The following GRIK2 variants were observed in gnomAD, a reference collection of about 807,000 sequenced individuals.
The protein encoded by GRIK2 is glutamate ionotropic receptor kainate type subunit 2.
A neutral mutation model predicts 100.3 loss-of-function variants in GRIK2; 32 were observed. The ratio of observed to expected loss-of-function variants is 0.32; its 90% CI spans 0.24 to 0.43. GRIK2 has a LOEUF of 0.43. GRIK2 is among the 20% of genes least tolerant of loss of function. The probability of loss-of-function intolerance (pLI) is 1.00; values close to 1 mark genes in which losing one functional copy is unlikely to be tolerated. For missense variants in GRIK2, 843 were observed against 1,114.9 expected, an observed-to-expected ratio of 0.76 and a Z score of 3.47; for synonymous variants, 417 against 389.4, an observed-to-expected ratio of 1.07 and a Z score of -0.83.
intron 16 of GRIK2, among the ~76,000 whole-genome samples, chr6:102,067,960 A>AT (rs1401590718): frequency 6.6e-6 from 1 of 151,814 alleles, no homozygotes; most frequent in East Asian, 1.9e-4. Flanking sequence ...TGATTTGTCT[A>AT]TTTTTTTGTA....
chr6:101,742,667 G>A (rs1202527631), intron 7 of GRIK2, among the ~76,000 whole-genome samples: 2 of 152,178 alleles, frequency 1.3e-5, no homozygotes, highest in African/African-American at 4.8e-5. Context: ...TTGACAATTG[G>A]CTGAGTTTGT....
At position 101,525,776 on chromosome 6, in the gene GRIK2, G is replaced by A. The variant is rs144887502; in HGVS notation, c.116-96173G>A. On this transcript the variant is annotated intron_variant, in intron 2 of 16. Transcript: ENST00000369134. ...GAGTGAACAACTTTATGAAAATAAT[G>A]TGCATGTGTAATTACATGCTGTCAA... Among the ~76,000 whole-genome samples, 754 of 152,278 alleles carry A rather than the reference G, an allele frequency of 5.0e-3. 4 individuals are homozygous for A. The highest frequency in any genetic ancestry group is 0.017 in the Middle Eastern group (5 of 294).
At chr6:101,927,967 A>G (rs1790013421) in intron 13 of GRIK2, 1 of 161,782 alleles carries the variant, frequency 6.2e-6, no homozygotes, top group Non-Finnish European at 1.4e-5. Context: ...TTTGAGCTAC[A>G]TGCACATGAA....
chr6:102,051,357 C>A (rs1267198191), intron 15 of GRIK2, among the ~76,000 whole-genome samples: 1 of 141,032 alleles, frequency 7.1e-6, no homozygotes, highest in South Asian at 2.2e-4. Context: ...TAAAAGGGAT[C>A]TTTTGGCAAC....
intron 14 of GRIK2, among the ~76,000 whole-genome samples, chr6:102,033,693 T>C (rs1770118169): frequency 6.6e-6 from 1 of 151,312 alleles, no homozygotes; most frequent in African/African-American, 2.4e-5. Flanking sequence ...TGGGTGACTT[T>C]TCTATCTAAA....
chr6:101,549,784 A>G (rs1332869373), intron 2 of GRIK2, among the ~76,000 whole-genome samples: 1 of 152,202 alleles, frequency 6.6e-6, no homozygotes, highest in African/African-American at 2.4e-5. Context: ...GTGGAATGTC[A>G]GTGTCTTGAG....
At chr6:101,395,749 A>G (rs1227194315) in intron 1 of GRIK2, among the ~76,000 whole-genome samples, 2 of 152,206 alleles carry the variant, frequency 1.3e-5, no homozygotes, top group East Asian at 1.9e-4. Context: ...TCAATTTATC[A>G]TAGGTTTGAT....
intron 7 of GRIK2, among the ~76,000 whole-genome samples, chr6:101,710,381 A>G (rs1773611359): frequency 6.6e-6 from 1 of 151,840 alleles, no homozygotes; most frequent in East Asian, 1.9e-4. Context: ...TGGGCTTTGA[A>G]GTATACCTCA....
chr6:102,020,081 TAG>T (rs2114359104), intron 14 of GRIK2, among the ~76,000 whole-genome samples: 1 of 152,082 alleles, frequency 6.6e-6, no homozygotes, highest in African/African-American at 2.4e-5. Context: ...AGAAATAATG[TAG>T]AGTCCTTACA....
chr6:101,872,503 T>C (rs1302465231), intron 11 of GRIK2, among the ~76,000 whole-genome samples: 1 of 151,856 alleles, frequency 6.6e-6, no homozygotes, highest in Non-Finnish European at 1.5e-5. Context: ...ACCCCCATGA[T>C]TGAATTACCT....
At chr6:101,608,280 A>T (rs1298615209) in intron 2 of GRIK2, among the ~76,000 whole-genome samples, 1 of 151,874 alleles carries the variant, frequency 6.6e-6, no homozygotes, top group Non-Finnish European at 1.5e-5. Flanking sequence ...CCACATCAAT[A>T]AATATAAATT....
At chr6:102,049,227 G>A (rs1437514087) in intron 15 of GRIK2, among the ~76,000 whole-genome samples, 2 of 152,028 alleles carry the variant, frequency 1.3e-5, no homozygotes, top group Non-Finnish European at 2.9e-5. Flanking sequence ...AAATTGGTAA[G>A]CTGTGAGTTC....
chr6:101,806,617 C>G (rs928175770), intron 9 of GRIK2, among the ~76,000 whole-genome samples: 11 of 147,982 alleles, frequency 7.4e-5, no homozygotes, highest in South Asian at 6.5e-4. Context: ...TCTGCCCTAC[C>G]TACAGAGGGT....
intron 7 of GRIK2, among the ~76,000 whole-genome samples, chr6:101,769,182 CTT>C (rs1355452846): frequency 6.6e-6 from 1 of 152,060 alleles, no homozygotes; most frequent in African/African-American, 2.4e-5. Flanking sequence ...TGTGTAATAT[CTT>C]TGTACTGTTT....
chr6:101,728,710 C>G (rs1227485769), intron 7 of GRIK2, among the ~76,000 whole-genome samples: 2 of 151,852 alleles, frequency 1.3e-5, no homozygotes, highest in Non-Finnish European at 2.9e-5. Context: ...ATACATGTTG[C>G]CTTAATTGAC....
intron 2 of GRIK2, among the ~76,000 whole-genome samples, chr6:101,441,545 C>A (rs150259115): frequency 3.9e-5 from 6 of 152,106 alleles, no homozygotes; most frequent in Admixed American, 6.6e-5. Flanking sequence ...ACATGCTTGG[C>A]GCGGTCAAAC....
intron 14 of GRIK2, among the ~76,000 whole-genome samples, chr6:102,025,204 T>C (rs1351310830): frequency 6.6e-6 from 1 of 151,178 alleles, no homozygotes; most frequent in Non-Finnish European, 1.5e-5. Flanking sequence ...TTATCCATTT[T>C]TTTCTAATTT....
intron 10 of GRIK2, among the ~76,000 whole-genome samples, chr6:101,838,260 G>C (rs770531132): frequency 1.3e-5 from 2 of 152,078 alleles, no homozygotes; most frequent in Admixed American, 6.5e-5. Flanking sequence ...ATTTCTGAAG[G>C]TTTCCATGTC....
At chr6:101,510,470 A>G (rs1428692370) in intron 2 of GRIK2, among the ~76,000 whole-genome samples, 1 of 133,850 alleles carries the variant, frequency 7.5e-6, no homozygotes, top group African/African-American at 2.8e-5. Flanking sequence ...GCTCACAATC[A>G]TTTTGTTTGG....
Sources: gnomAD v4.1 joint callset for allele counts (sites outside exome capture counted in the v4.1 genomes callset) on GRCh38, gnomAD v4.1.1 for gene constraint, MANE v1.5 for transcripts, NCBI Gene and HGNC (gene_info 2026-07-23, HGNC 2026-07-21) for gene names.